Variants in GLYATL1 observed in about 807,000 individuals in gnomAD.
GLYATL1 encodes the protein glycine N-acyltransferase-like protein 1.
GLYATL1 carries 15 observed loss-of-function variants against 20.0 expected under a neutral mutation model. The ratio of observed to expected loss-of-function variants is 0.75; its 90% confidence interval spans 0.50 to 1.15. The LOEUF (loss-of-function observed/expected upper bound fraction) is 1.15, where lower values mean the gene tolerates loss of function less well. Ranked by LOEUF, GLYATL1 falls within the 50% of genes most tolerant of loss-of-function variation. GLYATL1 has a pLI of 0.00. For missense variants in GLYATL1, 380 were observed against 368.5 expected, an observed-to-expected ratio of 1.03 and a Z score of -0.26; for synonymous variants, 151 against 131.5, an observed-to-expected ratio of 1.15 and a Z score of -1.01.
chr11:58,930,943 G>T (rs1157703255), intron 1 of GLYATL1, among the ~76,000 whole-genome samples: 3 of 152,178 alleles, frequency 2.0e-5, no homozygotes. Flanking sequence ...CATGGTGATG[G>T]CATTAAGAGA....
At chr11:58,922,195 G>A (rs541019232) in intron 1 of GLYATL1, among the ~76,000 whole-genome samples, 5 of 152,296 alleles carry the variant, frequency 3.3e-5, no homozygotes, top group Middle Eastern at 3.4e-3. Context: ...GGCCAATGGA[G>A]GGCTGCCTGG....
chr11:58,918,000 C>A (rs114470891), intron 1 of GLYATL1, among the ~76,000 whole-genome samples: 1,676 of 152,296 alleles, frequency 0.011, 38 homozygotes, highest in African/African-American at 0.038. Flanking sequence ...CATTTCCCCC[C>A]TTTGATGCTT....
chr11:58,953,710 G>A (rs1365759590), intron 4 of GLYATL1, among the ~76,000 whole-genome samples: 1 of 151,938 alleles, frequency 6.6e-6, no homozygotes, highest in East Asian at 1.9e-4. Flanking sequence ...TAAATTCACT[G>A]ACGTTTTGGG....
chr11:58,910,447 G>C (rs1216540799), downstream of GLYATL1, among the ~76,000 whole-genome samples: 1 of 151,996 alleles, frequency 6.6e-6, no homozygotes, highest in East Asian at 1.9e-4. Context: ...TAATGAAAAA[G>C]GTGAATAATA....
downstream of GLYATL1, among the ~76,000 whole-genome samples, chr11:58,912,489 C>T (rs1232673543): frequency 1.3e-5 from 2 of 152,144 alleles, no homozygotes; most frequent in Non-Finnish European, 2.9e-5. Context: ...GATAAACCTC[C>T]AGCACTGGAA....
upstream of GLYATL1, chr11:58,935,089 G>A (rs1404216311): frequency 6.5e-6 from 1 of 153,350 alleles, no homozygotes; most frequent in African/African-American, 2.4e-5. Context: ...GCCTTGTTCT[G>A]GGAGCAGTCT....
At chr11:58,942,866 G>A (rs1356446895) in intron 1 of GLYATL1, among the ~76,000 whole-genome samples, 1 of 152,100 alleles carries the variant, frequency 6.6e-6, no homozygotes, top group Non-Finnish European at 1.5e-5. Context: ...CTGAGAAAAA[G>A]TAGTCAGTAA....
At chr11:58,948,043 CT>C (rs1373854904) in intron 4 of GLYATL1, 78 bp downstream of exon 4, 24 of 888,866 alleles carry the variant, frequency 2.7e-5, no homozygotes, top group Non-Finnish European at 4.6e-5. Flanking sequence ...GACACCATGG[CT>C]GCTTTTATAG....
chr11:58,906,448 G>A (rs1854888406), intron 1 of GLYATL1, among the ~76,000 whole-genome samples: 1 of 152,140 alleles, frequency 6.6e-6, no homozygotes, highest in Admixed American at 6.5e-5. Flanking sequence ...GAATGGAACA[G>A]GAGAGCTCCT....
chr11:58,912,946 A>G (rs923315923), downstream of GLYATL1, among the ~76,000 whole-genome samples: 4 of 152,206 alleles, frequency 2.6e-5, no homozygotes, highest in Non-Finnish European at 5.9e-5. Context: ...TGTGCCTGGG[A>G]GTGCTACTCT....
rs1297270806 is a variant in GLYATL1, at chr11:58,954,874, G to A, written c.291G>A (p.Trp97Ter). The A allele has an allele frequency of 6.2e-7, 1 of 1,611,584 alleles. No homozygotes were observed. The highest frequency in any genetic ancestry group is 8.5e-7 in the Non-Finnish European group (1 of 1,179,388). The stretch of plus-strand genomic sequence containing the variant: ...TGAAAAATTGTGAGATCGTAAACTG[G>A]AAACAGAGACTCCAAATCCAAGGTA... ...EVLKNCEIVN[W>*]KQRLQIQGLQ... Residue 97 changes from tryptophan (W) to a stop codon, truncating the protein, a stop_gained, in exon 5 of 7, where the codon TGG becomes TGA. Transcript: ENST00000532726. LOFTEE classifies it high-confidence loss of function.
upstream of GLYATL1, among the ~76,000 whole-genome samples, chr11:58,926,154 T>C (rs1855422495): frequency 6.6e-6 from 1 of 152,200 alleles, no homozygotes; most frequent in Non-Finnish European, 1.5e-5. Flanking sequence ...GGGTTAACAC[T>C]TGTTGAAGGA....
intron 1 of GLYATL1, among the ~76,000 whole-genome samples, chr11:58,931,397 C>T (rs755377235): frequency 3.3e-5 from 5 of 152,120 alleles, no homozygotes; most frequent in Admixed American, 1.3e-4. Flanking sequence ...GGGGTTAGGA[C>T]TATAACATGT....
upstream of GLYATL1, among the ~76,000 whole-genome samples, chr11:58,923,719 G>C (rs1273771332): frequency 2.0e-5 from 3 of 152,090 alleles, no homozygotes; most frequent in African/African-American, 7.2e-5. Context: ...CCTCCCCTTG[G>C]CTCCCAGGAG....
chr11:58,955,132 G>C (rs1291913002), intron 5 of GLYATL1, 44 bp from the exon 6 acceptor site: 2 of 1,570,436 alleles, frequency 1.3e-6, no homozygotes, highest in Admixed American at 1.7e-5. Context: ...TGTAAGTAGA[G>C]AACTCCATGT....
At position 58,919,630 on chromosome 11, in the gene GLYATL1, G is replaced by A. The variant is rs555381545; in HGVS notation, n.264+13969G>A. On this transcript the variant is annotated intron_variant and non_coding_transcript_variant, in intron 1 of 2. Coordinates refer to the GLYATL1 transcript ENST00000534674. Reference sequence around the variant, plus strand: ...GGTGGGGAAAGCCTCAAACAACCCCGAAAAGGTACAAATAAACACCAACAT... The same window carrying A: ...GGTGGGGAAAGCCTCAAACAACCCCAAAAAGGTACAAATAAACACCAACAT... Among the ~76,000 whole-genome samples the A allele has an allele frequency of 2.7e-4, 41 of 152,132 alleles. 1 individual carries two copies. The South Asian group carries it at 7.9e-3, about 29-fold the overall frequency.
chr11:58,941,038 A>AT (rs139433113), intron 1 of GLYATL1, among the ~76,000 whole-genome samples: 5,895 of 151,964 alleles, frequency 0.039, 180 homozygotes, highest in Non-Finnish European at 0.06. Context: ...AGGAGTAGTA[A>AT]TTTTTTTTAT....
chr11:58,940,139 G>C (rs1450299424), intron 1 of GLYATL1, among the ~76,000 whole-genome samples: 1 of 152,156 alleles, frequency 6.6e-6, no homozygotes, highest in East Asian at 1.9e-4. Flanking sequence ...AAAGTGGGTT[G>C]GAGTTCCATG....
At chr11:58,937,533 A>G (rs536640961), upstream of GLYATL1, among the ~76,000 whole-genome samples, 3 of 152,368 alleles carry the variant, frequency 2.0e-5, no homozygotes, top group East Asian at 5.8e-4. Flanking sequence ...AGAGATGTAC[A>G]AGCATCTAGT....
Sources: allele counts gnomAD v4.1 joint callset (sites outside exome capture counted in the v4.1 genomes callset), GRCh38; gene constraint gnomAD v4.1.1; transcripts MANE v1.5; gene names NCBI Gene and HGNC (gene_info 2026-07-23, HGNC 2026-07-21).